Variants in DCDC2 observed in about 807,000 individuals in gnomAD.
DCDC2 encodes the protein doublecortin domain-containing protein 2.
DCDC2 carries 40 observed loss-of-function variants against 50.2 expected under a neutral mutation model. That is an observed-to-expected ratio of 0.80 (90% CI 0.62 to 1.04). The LOEUF (loss-of-function observed/expected upper bound fraction) is 1.04, where lower values mean the gene tolerates loss of function less well. Ranked by LOEUF, DCDC2 falls within the 50% of genes least tolerant of loss-of-function variation. The pLI is 0.00. For missense variants in DCDC2, 570 were observed against 581.9 expected (o/e 0.98, Z 0.21); for synonymous variants, 234 against 210.6 (o/e 1.11, Z -0.96).
chr6:24,202,095 A>G (rs1195799874), intron 8 of DCDC2, among the ~76,000 whole-genome samples: 1 of 152,200 alleles, frequency 6.6e-6, no homozygotes, highest in Non-Finnish European at 1.5e-5. Flanking sequence ...AAGCTATTCC[A>G]AACAATAGAA....
At chr6:24,299,864 A>G (rs1365283003) in intron 4 of DCDC2, among the ~76,000 whole-genome samples, 1 of 152,100 alleles carries the variant, frequency 6.6e-6, no homozygotes, top group Non-Finnish European at 1.5e-5. Flanking sequence ...GGTTGCAGTG[A>G]GCCAAGATCC....
At chr6:24,378,956 GAAAA>G in the DCDC2 span, among the ~76,000 whole-genome samples, 2 of 67,430 alleles carry the variant, frequency 3.0e-5, no homozygotes, top group African/African-American at 1.1e-4. Flanking sequence ...GTCTCATTTG[GAAAA>G]AAAAAAAAAA....
chr6:24,348,155 C>T (rs1760302066), intron 2 of DCDC2, among the ~76,000 whole-genome samples: 2 of 152,154 alleles, frequency 1.3e-5, no homozygotes, highest in Non-Finnish European at 2.9e-5. Flanking sequence ...CTTAAAGAAT[C>T]CATAAAATGA....
rs148248292 is a variant in DCDC2, at chr6:24,238,599, C to T, written c.923-33497G>A. Among the ~76,000 whole-genome samples, 505 of 152,054 alleles carry T rather than the reference C, an allele frequency of 3.3e-3. 3 individuals carry two copies. Among genetic ancestry groups the T allele is most frequent in the African/African-American group, 0.012 (482 of 41,476 alleles). On this transcript the variant is annotated intron_variant, in intron 7 of 9. Transcript: ENST00000378454. ...CAGGTGTGAGCCACTGCACCAGGCCCGAACACCCAAAAGTTTATAGTTAGG... is the reference window on the plus strand; with the variant it reads ...CAGGTGTGAGCCACTGCACCAGGCCTGAACACCCAAAAGTTTATAGTTAGG...
chr6:24,237,176 C>T (rs9460981), intron 7 of DCDC2, among the ~76,000 whole-genome samples: 33,477 of 141,002 alleles, frequency 0.24, 4,793 homozygotes, highest in African/African-American at 0.46. Flanking sequence ...GAATGGCTAT[C>T]ATGAAAAGGT....
intron 7 of DCDC2, among the ~76,000 whole-genome samples, chr6:24,220,879 A>AGAGCGAGCGAGCGAGCGAGTGAGCGAGC (rs111880904): frequency 1.2e-4 from 13 of 107,030 alleles, no homozygotes; most frequent in African/African-American, 5.5e-4. Context: ...CAAGAGAGCG[A>AGAGCGAGCGAGCGAGCGAGTGAGCGAGC]GAGCGAGAGA....
At chr6:24,354,406 AC>A (rs1760428091) in intron 1 of DCDC2, among the ~76,000 whole-genome samples, 1 of 152,160 alleles carries the variant, frequency 6.6e-6, no homozygotes, top group South Asian at 2.1e-4. Context: ...TCAATCCTTT[AC>A]CCCAACTACT....
chr6:24,344,133 C>G (rs995175811), intron 2 of DCDC2, among the ~76,000 whole-genome samples: 3 of 152,154 alleles, frequency 2.0e-5, no homozygotes, highest in African/African-American at 7.2e-5. Context: ...GTCCTCATCC[C>G]AAGCGCCAGT....
chr6:24,258,183 G>A (rs914534023), intron 7 of DCDC2, among the ~76,000 whole-genome samples: 1 of 152,124 alleles, frequency 6.6e-6, no homozygotes, highest in Admixed American at 6.5e-5. Context: ...CCCAAAGAGG[G>A]AGCAGCAGCA....
At chr6:24,309,820 A>C (rs1759540244) in intron 2 of DCDC2, among the ~76,000 whole-genome samples, 1 of 152,170 alleles carries the variant, frequency 6.6e-6, no homozygotes, top group Non-Finnish European at 1.5e-5. Context: ...TTTATAAGAG[A>C]CACACTTTAA....
intron 2 of DCDC2, among the ~76,000 whole-genome samples, chr6:24,352,708 T>C (rs561482561): frequency 2.1e-4 from 32 of 152,258 alleles, no homozygotes; most frequent in African/African-American, 7.0e-4. Context: ...ATGGTGAGTG[T>C]TGAGGAGAGT....
chr6:24,358,847 A>ATATTATATATAATATATATAATATATATG (rs1760546558), upstream of DCDC2, among the ~76,000 whole-genome samples: 1 of 34,058 alleles, frequency 2.9e-5, no homozygotes, highest in Non-Finnish European at 4.4e-5. Context: ...ATATATTTAT[A>ATATTATATATAATATATATAATATATATG]TATTATATAT....
At chr6:24,350,405 T>A (rs1305566719) in intron 2 of DCDC2, among the ~76,000 whole-genome samples, 2 of 152,308 alleles carry the variant, frequency 1.3e-5, no homozygotes. Context: ...TGCCACACAC[T>A]CTGCATGACT....
intron 6 of DCDC2, among the ~76,000 whole-genome samples, chr6:24,285,743 T>G (rs1310598008): frequency 6.6e-6 from 1 of 152,190 alleles, no homozygotes; most frequent in African/African-American, 2.4e-5. Flanking sequence ...AAAATTTTAG[T>G]TTTTCAAATT....
intron 7 of DCDC2, among the ~76,000 whole-genome samples, chr6:24,238,310 AT>A (rs898886323): frequency 2.0e-5 from 3 of 149,002 alleles, no homozygotes; most frequent in South Asian, 2.2e-4. Context: ...CATTACTATT[AT>A]TTTTTGAGAT....
chr6:24,253,255 TA>T (rs1368746744), intron 7 of DCDC2, among the ~76,000 whole-genome samples: 2 of 151,970 alleles, frequency 1.3e-5, no homozygotes, highest in Non-Finnish European at 2.9e-5. Context: ...AAACTAATTA[TA>T]AAAAAAGAAA....
At chr6:24,316,959 C>T (rs902382864) in intron 2 of DCDC2, among the ~76,000 whole-genome samples, 10 of 151,492 alleles carry the variant, frequency 6.6e-5, no homozygotes, top group Admixed American at 1.3e-4. Context: ...GATTACAACT[C>T]TGTATATACA....
In DCDC2 at chr6:24,225,397, G is replaced by A. The variant is rs368556033; in HGVS notation, c.923-20295C>T. Among the ~76,000 whole-genome samples, 133 of 152,146 alleles carry A rather than the reference G, an allele frequency of 8.7e-4. No individual in the cohort carries two copies. The South Asian group carries it at 0.026, about 30-fold the overall frequency. ...CTTCTCCTGACCAGAAAAACATGCA[G>A]TTAAACTTGATACACACACACACAC... On this transcript the variant is annotated intron_variant, in intron 7 of 9. Coordinates refer to ENST00000378454, the MANE Select transcript of DCDC2 (RefSeq NM_016356.5).
chr6:24,358,937 T>TATATTATATATTA (rs1760560757), upstream of DCDC2, among the ~76,000 whole-genome samples: 4 of 21,506 alleles, frequency 1.9e-4, no homozygotes, highest in African/African-American at 1.5e-3. Flanking sequence ...ATTATATATT[T>TATATTATATATTA]TATATATTAT....
Sources: gnomAD v4.1 joint callset for allele counts (sites outside exome capture counted in the v4.1 genomes callset) on GRCh38, gnomAD v4.1.1 for gene constraint, MANE v1.5 for transcripts, NCBI Gene and HGNC (gene_info 2026-07-23, HGNC 2026-07-21) for gene names.